RBFOX1: variants seen among roughly 807,000 people sequenced by gnomAD.
RBFOX1 encodes the protein RNA binding fox-1 homolog 1.
RBFOX1 carries 8 observed loss-of-function variants against 57.7 expected under a neutral mutation model. That is an observed-to-expected ratio of 0.14 (90% CI 0.08 to 0.25). The LOEUF (loss-of-function observed/expected upper bound fraction) is 0.25, where lower values mean the gene tolerates loss of function less well. Ranked by LOEUF, RBFOX1 falls within the 10% of genes least tolerant of loss-of-function variation. RBFOX1 has a pLI of 1.00. For missense variants in RBFOX1, 611 were observed against 548.5 expected, an observed-to-expected ratio of 1.11 and a Z score of -1.14; for synonymous variants, 326 against 222.4, an observed-to-expected ratio of 1.47 and a Z score of -4.15.
chr16:7,512,387 C>A (rs188843573), intron 4 of RBFOX1, among the ~76,000 whole-genome samples: 3 of 152,226 alleles, frequency 2.0e-5, no homozygotes, highest in East Asian at 3.9e-4. Flanking sequence ...ATCTCTGGAG[C>A]CATTTGAAGG....
intron 2 of RBFOX1, among the ~76,000 whole-genome samples, chr16:6,354,692 G>A (rs1199992763): frequency 6.6e-6 from 1 of 152,032 alleles, no homozygotes; most frequent in Non-Finnish European, 1.5e-5. Context: ...TTTTGCACAG[G>A]CCGTTCCTGT....
chr16:6,887,527 C>A (rs1361690673), intron 3 of RBFOX1, among the ~76,000 whole-genome samples: 1 of 151,926 alleles, frequency 6.6e-6, no homozygotes, highest in Non-Finnish European at 1.5e-5. Flanking sequence ...GGTGATTTCC[C>A]TATATCTGTT....
At chr16:5,317,103 A>G (rs556194611) in intron 1 of RBFOX1, among the ~76,000 whole-genome samples, 15 of 152,050 alleles carry the variant, frequency 9.9e-5, no homozygotes, top group Admixed American at 4.6e-4. Context: ...CCACACTACC[A>G]TCTTCCCTGG....
At chr16:6,887,262 G>A (rs1046539133) in intron 3 of RBFOX1, among the ~76,000 whole-genome samples, 2 of 152,174 alleles carry the variant, frequency 1.3e-5, no homozygotes, top group African/African-American at 4.8e-5. Flanking sequence ...TTTGAGAACT[G>A]TGTTATCTGC....
intron 2 of RBFOX1, among the ~76,000 whole-genome samples, chr16:5,581,055 C>G (rs1044990183): frequency 3.9e-5 from 6 of 152,176 alleles, no homozygotes; most frequent in African/African-American, 7.2e-5. Context: ...AACCGGAAAG[C>G]GTTGTCTGTC....
chr16:6,233,316 G>A (rs565560315), intron 1 of RBFOX1, among the ~76,000 whole-genome samples: 2 of 152,190 alleles, frequency 1.3e-5, no homozygotes, highest in Admixed American at 6.5e-5. Context: ...TGAGGTTTCT[G>A]TTAATTCCTT....
At chr16:6,534,644 T>A (rs928231705) in intron 2 of RBFOX1, among the ~76,000 whole-genome samples, 1 of 152,200 alleles carries the variant, frequency 6.6e-6, no homozygotes, top group Non-Finnish European at 1.5e-5. Flanking sequence ...CTACCTTTTA[T>A]ATAAATGCAA....
intron 4 of RBFOX1, among the ~76,000 whole-genome samples, chr16:7,188,658 C>G (rs1328963533): frequency 1.3e-5 from 2 of 152,138 alleles, no homozygotes; most frequent in Non-Finnish European, 2.9e-5. Context: ...GTATCATTAT[C>G]CTGAGTTGAA....
intron 4 of RBFOX1, among the ~76,000 whole-genome samples, chr16:7,231,909 G>C (rs1386805743): frequency 2.6e-5 from 4 of 152,118 alleles, no homozygotes; most frequent in African/African-American, 9.7e-5. Flanking sequence ...GGAAGGGGTT[G>C]GGGAATAACC....
chr16:7,654,412 C>T (rs1314747460), intron 12 of RBFOX1, among the ~76,000 whole-genome samples: 1 of 152,144 alleles, frequency 6.6e-6, no homozygotes, highest in South Asian at 2.1e-4. Context: ...GAACCTTTGC[C>T]TGCAAAGAGA....
chr16:6,822,582 G>C (rs1189756215), intron 3 of RBFOX1, among the ~76,000 whole-genome samples: 2 of 152,218 alleles, frequency 1.3e-5, no homozygotes, highest in Non-Finnish European at 2.9e-5. Context: ...CGCCGTGCTT[G>C]CATTTTATTT....
intron 4 of RBFOX1, among the ~76,000 whole-genome samples, chr16:7,251,470 G>C (rs2094497562): frequency 1.3e-5 from 2 of 149,538 alleles, no homozygotes; most frequent in Non-Finnish European, 3.0e-5. Context: ...GAGTGCAGTG[G>C]CGCGGTCTTG....
intron 3 of RBFOX1, among the ~76,000 whole-genome samples, chr16:5,773,829 C>G (rs1049741103): frequency 1.3e-5 from 2 of 152,062 alleles, no homozygotes; most frequent in Non-Finnish European, 2.9e-5. Context: ...TCCTGAGTAG[C>G]TGGGACTACA....
At chr16:7,269,070 A>G (rs1400865339) in intron 4 of RBFOX1, among the ~76,000 whole-genome samples, 1 of 142,452 alleles carries the variant, frequency 7.0e-6, no homozygotes, top group African/African-American at 2.7e-5. Context: ...AAAAAAAAAA[A>G]GAATCAGCCT....
chr16:6,836,173 G>C (rs963403942), intron 3 of RBFOX1, among the ~76,000 whole-genome samples: 4 of 152,114 alleles, frequency 2.6e-5, no homozygotes, highest in Non-Finnish European at 4.4e-5. Flanking sequence ...ACCGGGTAAC[G>C]CATTATTGAA....
At chr16:7,024,061 G>A (rs1264173551) in intron 3 of RBFOX1, among the ~76,000 whole-genome samples, 1 of 152,012 alleles carries the variant, frequency 6.6e-6, no homozygotes, top group East Asian at 1.9e-4. Flanking sequence ...ATAAAACCAG[G>A]GATTTCTTAA....
At chr16:6,704,506 C>G (rs1170178193) in intron 3 of RBFOX1, 2 of 152,286 alleles carry the variant, frequency 1.3e-5, no homozygotes, top group Admixed American at 1.3e-4. Context: ...GCCATTGCAG[C>G]TGCCTCGGTA....
At chr16:6,865,840 C>T (rs186554923) in intron 3 of RBFOX1, among the ~76,000 whole-genome samples, 1 of 152,144 alleles carries the variant, frequency 6.6e-6, no homozygotes, top group Non-Finnish European at 1.5e-5. Flanking sequence ...ATTAACTTCT[C>T]TCTTTTTTGC....
intron 4 of RBFOX1, among the ~76,000 whole-genome samples, chr16:7,399,397 G>C (rs2098199274): frequency 6.6e-6 from 1 of 152,048 alleles, no homozygotes; most frequent in Non-Finnish European, 1.5e-5. Flanking sequence ...CAGTGAGCCG[G>C]GATCAGACTG....
Sources: allele counts gnomAD v4.1 joint callset (sites outside exome capture counted in the v4.1 genomes callset), GRCh38; gene constraint gnomAD v4.1.1; transcripts MANE v1.5; gene names NCBI Gene and HGNC (gene_info 2026-07-23, HGNC 2026-07-21).